FANCB: variants seen among roughly 807,000 people sequenced by gnomAD.
FANCB encodes the protein FA complementation group B, also known as Fanconi anemia group B protein.
FANCB carries 5 observed loss-of-function variants against 38.9 expected under a neutral mutation model. The observed-to-expected ratio is 0.13, with a 90% CI of 0.07 to 0.27. FANCB has a LOEUF of 0.27. Ranked by LOEUF, FANCB falls within the 10% of genes least tolerant of loss-of-function variation. The pLI is 1.00. For missense variants in FANCB, 573 were observed against 602.7 expected, an observed-to-expected ratio of 0.95 and a Z score of 0.52; for synonymous variants, 236 against 215.4, an observed-to-expected ratio of 1.10 and a Z score of -0.84.
At chrX:14,870,155 T>C (rs184223818) in intron 1 of FANCB, among the ~76,000 whole-genome samples, 1 of 112,099 alleles carries the variant, frequency 8.9e-6, no homozygotes, top group African/African-American at 3.2e-5. Flanking sequence ...ATATTAAGTA[T>C]TGCTGCTGCA....
chrX:14,698,766 T>A, the FANCB span, among the ~76,000 whole-genome samples: 1 of 105,638 alleles, frequency 9.5e-6, no homozygotes, highest in East Asian at 3.0e-4. Flanking sequence ...GAAACTGACC[T>A]CTGAAATAAC....
chrX:14,823,355 T>C, the FANCB span, among the ~76,000 whole-genome samples: 1 of 111,766 alleles, frequency 8.9e-6, no homozygotes, highest in African/African-American at 3.3e-5. Context: ...GTGCTGGGAT[T>C]GCAGGCGTGA....
At chrX:14,825,737 G>C in the FANCB span, among the ~76,000 whole-genome samples, 1 of 112,001 alleles carries the variant, frequency 8.9e-6, no homozygotes, top group Non-Finnish European at 1.9e-5. Flanking sequence ...GCCAGGCACT[G>C]TATATAGAAG....
the FANCB span, among the ~76,000 whole-genome samples, chrX:14,819,677 T>C: frequency 3.6e-5 from 4 of 112,388 alleles, no homozygotes; most frequent in Non-Finnish European, 7.5e-5. Flanking sequence ...AGTGAAGTAC[T>C]GTGAAGATCT....
At chrX:14,856,527 TTATC>T (rs2092423876) in intron 5 of FANCB, among the ~76,000 whole-genome samples, 1 of 112,168 alleles carries the variant, frequency 8.9e-6, no homozygotes, top group Non-Finnish European at 1.9e-5. Flanking sequence ...GTTATGATGT[TTATC>T]TATTGTTCAA....
chrX:14,690,576 AATC>A, the FANCB span: 3 of 456,966 alleles, frequency 6.6e-6, no homozygotes, highest in Non-Finnish European at 7.5e-6. Flanking sequence ...AACGCTGGAA[AATC>A]ATTGACCAAG....
the FANCB span, among the ~76,000 whole-genome samples, chrX:14,811,105 C>A: frequency 9.0e-6 from 1 of 110,810 alleles, no homozygotes; most frequent in Admixed American, 9.6e-5. Flanking sequence ...ACTTTACAGA[C>A]AAGCAAATGC....
At chrX:14,726,918 C>A in the FANCB span, among the ~76,000 whole-genome samples, 3 of 112,007 alleles carry the variant, frequency 2.7e-5, no homozygotes, top group Admixed American at 1.9e-4. Flanking sequence ...TATGCTTAAT[C>A]ATGAGTTTCT....
chrX:14,871,113 T>C (rs1047751113), intron 1 of FANCB, among the ~76,000 whole-genome samples: 5 of 110,969 alleles, frequency 4.5e-5, no homozygotes, highest in African/African-American at 1.3e-4. Context: ...ATGCCTGAAA[T>C]GTGAGTAAAT....
chrX:14,857,830 T>G (rs770418720), intron 5 of FANCB, 32 bp downstream of exon 5: 1 of 955,489 alleles, frequency 1.0e-6, no homozygotes, highest in Non-Finnish European at 1.5e-6. Context: ...ATAACACTAA[T>G]CGAAAAGCAA....
the FANCB span, among the ~76,000 whole-genome samples, chrX:14,821,674 C>T: frequency 9.0e-6 from 1 of 111,363 alleles, no homozygotes; most frequent in Non-Finnish European, 1.9e-5. Context: ...CTTTTCTTAT[C>T]ATCTGGGGAG....
chrX:14,705,510 A>C, the FANCB span, among the ~76,000 whole-genome samples: 1 of 111,988 alleles, frequency 8.9e-6, no homozygotes, highest in African/African-American at 3.2e-5. Context: ...GTCAAGTTTG[A>C]AAAACCCTAA....
chrX:14,865,193 T>A lies in FANCB; in HGVS notation c.318A>T (p.Glu106Asp). ...TACTGTGAAGGATTAGTAAAAAATA[T>A]TCAAAAACATTATTCTTTTTATTTT... ...IEKNKKNNVF[E>D]YFLLILHSTN... The change falls in exon 3 of 10, where the codon GAA becomes GAT. Residue 106 changes from glutamate to aspartate, a missense_variant. Coordinates refer to ENST00000650831, the MANE Select transcript of FANCB (RefSeq NM_001018113.3). 8.6e-7 allele frequency: 1 copy of A among 1,163,702 alleles called. No individual in the cohort carries two copies. The highest frequency in any genetic ancestry group is 2.8e-5 in the Admixed American group (1 of 36,214).
the FANCB span, among the ~76,000 whole-genome samples, chrX:14,761,098 G>A: frequency 2.7e-5 from 3 of 111,974 alleles, no homozygotes; most frequent in South Asian, 3.7e-4. Flanking sequence ...GAACAAAAAC[G>A]TAGGTCAGTT....
the FANCB span, among the ~76,000 whole-genome samples, chrX:14,810,073 T>C: frequency 8.9e-6 from 1 of 112,046 alleles, no homozygotes; most frequent in Admixed American, 9.4e-5. Context: ...AGTGGACCTC[T>C]AGCAAACTCC....
chrX:14,790,141 C>A, the FANCB span, among the ~76,000 whole-genome samples: 1 of 111,731 alleles, frequency 9.0e-6, no homozygotes, highest in Non-Finnish European at 1.9e-5. Context: ...AAAATCCCTG[C>A]CATTATGGAG....
chrX:14,709,079 G>A, the FANCB span, among the ~76,000 whole-genome samples: 2 of 111,387 alleles, frequency 1.8e-5, no homozygotes, highest in Non-Finnish European at 3.8e-5. Flanking sequence ...CTTTGAAAAC[G>A]AAAGGGAGAG....
chrX:14,749,194 G>A, the FANCB span, among the ~76,000 whole-genome samples: 435 of 111,931 alleles, frequency 3.9e-3, 2 homozygotes, highest in Non-Finnish European at 5.3e-3. Context: ...ACAAATTTTG[G>A]TAGACAAACA....
the FANCB span, among the ~76,000 whole-genome samples, chrX:14,776,931 A>C: frequency 1.3e-4 from 14 of 111,890 alleles, no homozygotes; most frequent in East Asian, 3.9e-3. Context: ...TTGAAGCTAG[A>C]GAGAAGGGTT....
Sources: gnomAD v4.1 joint callset for allele counts (sites outside exome capture counted in the v4.1 genomes callset) on GRCh38, gnomAD v4.1.1 for gene constraint, MANE v1.5 for transcripts, NCBI Gene and HGNC (gene_info 2026-07-23, HGNC 2026-07-21) for gene names.